SCRN3: variants seen among roughly 807,000 people sequenced by gnomAD.
SCRN3 encodes the protein secernin-3.
A neutral mutation model predicts 43.1 loss-of-function variants in SCRN3; 39 were observed. The ratio of observed to expected loss-of-function variants is 0.91; its 90% CI spans 0.70 to 1.18. The LOEUF (loss-of-function observed/expected upper bound fraction) is 1.18. Ranked by LOEUF, SCRN3 falls within the 50% of genes most tolerant of loss-of-function variation. SCRN3 has a pLI of 0.00. For missense variants in SCRN3, 484 were observed against 498.0 expected (o/e 0.97, Z 0.27); for synonymous variants, 147 against 163.1 (o/e 0.90, Z 0.75).
chr2:174,398,807 A>G (rs2105556899), intron 2 of SCRN3, among the ~76,000 whole-genome samples: 1 of 152,310 alleles, frequency 6.6e-6, no homozygotes, highest in Non-Finnish European at 1.5e-5. Flanking sequence ...TTTAAATGCT[A>G]AATTTAAGTA....
intron 5 of SCRN3, among the ~76,000 whole-genome samples, chr2:174,419,273 A>C (rs1452886755): frequency 2.0e-5 from 3 of 152,220 alleles, no homozygotes; most frequent in Non-Finnish European, 4.4e-5. Flanking sequence ...TGTTTAATCA[A>C]CCATATTAAA....
chr2:174,400,010 CCAATGAG>C lies in SCRN3; in HGVS notation c.251_257del (p.Asn84MetfsTer23). ...TGGTTGTGGGGGGCAGAAATGGGAG[CCAATGAG>C]CATGGAGTTTGCATTGGGAATGAAG... On this transcript the variant is annotated frameshift_variant, in exon 3 of 8. Transcript: ENST00000272732. LOFTEE classifies it high-confidence loss of function. 1 of 1,597,254 alleles carries C rather than the reference CCAATGAG, an allele frequency of 6.3e-7. No individual in the cohort carries two copies. The highest frequency in any genetic ancestry group is 8.5e-7 in the Non-Finnish European group (1 of 1,173,762).
At position 174,427,996 on chromosome 2, in the gene SCRN3, G is replaced by A. The variant is rs1198972504; in HGVS notation, c.*101G>A. The A allele has an allele frequency of 1.3e-6, 1 of 749,092 alleles. No individual in the cohort carries two copies. The allele number at this position is 749,092 out of a possible 1,614,324, so 46.4% of individuals were successfully genotyped here. On this transcript the variant is annotated 3_prime_UTR_variant, in exon 8 of 8. Coordinates refer to ENST00000272732, the MANE Select transcript of SCRN3 (RefSeq NM_024583.5). ...GGTAAATTATATAAACCTAACTTGA[G>A]CAGATCTGATTATTCTTGGATAGTA...
In SCRN3 at chr2:174,401,121, T is replaced by C; in HGVS notation, c.473T>C (p.Ile158Thr). Reference protein sequence around the residue: ...MVFSYHNSFLIADRNEAWILE... With the variant: ...MVFSYHNSFLTADRNEAWILE... ...TTTAGCTATCACAACAGTTTCCTGA[T>C]AGCTGATAGGAATGAAGCCTGGATT... Residue 158 changes from isoleucine (I) to threonine (T), a missense_variant, in exon 4 of 8, where the codon ATA becomes ACA. By Grantham distance (89) the Ile-to-Thr change is moderately conservative. Transcript: ENST00000272732. The C allele has an allele frequency of 2.5e-6, 4 of 1,613,982 alleles. No homozygotes were observed. The highest frequency in any genetic ancestry group is 3.4e-6 in the Non-Finnish European group (4 of 1,179,922).
intron 5 of SCRN3, among the ~76,000 whole-genome samples, chr2:174,409,833 C>T (rs1383984080): frequency 3.5e-5 from 5 of 142,200 alleles, no homozygotes; most frequent in Non-Finnish European, 8.0e-5. Flanking sequence ...TCTCCAGCTG[C>T]GTGCTGGGAG....
chr2:174,410,965 T>C (rs886722300), intron 5 of SCRN3, among the ~76,000 whole-genome samples: 21 of 151,940 alleles, frequency 1.4e-4, no homozygotes, highest in South Asian at 4.2e-4. Flanking sequence ...GAGGCTAGAG[T>C]GTTAACATCC....
chr2:174,402,129 A>T (rs986875193), intron 4 of SCRN3, among the ~76,000 whole-genome samples: 4 of 152,212 alleles, frequency 2.6e-5, no homozygotes, highest in African/African-American at 9.7e-5. Context: ...TTATTAATAT[A>T]TAACATTGTA....
At chr2:174,423,784 T>A in intron 6 of SCRN3, among the ~76,000 whole-genome samples, 1 of 143,430 alleles carries the variant, frequency 7.0e-6, no homozygotes, top group African/African-American at 2.6e-5. Context: ...TTCCTTTTTT[T>A]TTTTTTTTTT....
chr2:174,420,148 T>C (rs559519118), intron 5 of SCRN3, among the ~76,000 whole-genome samples: 1 of 141,282 alleles, frequency 7.1e-6, no homozygotes, highest in East Asian at 2.0e-4. Flanking sequence ...AAGTAGCTGC[T>C]AGGAGCCTTA....
chr2:174,398,178 A>G, intron 1 of SCRN3, 97 bp from the exon 2 acceptor site: 1 of 693,792 alleles, frequency 1.4e-6, no homozygotes, highest in Non-Finnish European at 2.2e-6. Context: ...CCTTAATTAG[A>G]TATGGCAATA....
rs1686415779 is a variant in SCRN3, at chr2:174,424,544, T to G, written c.987T>G (p.Phe329Leu). 1 of 1,613,372 alleles carries G rather than the reference T, an allele frequency of 6.2e-7. No individual in the cohort carries two copies. The highest frequency in any genetic ancestry group is 1.1e-5 in the South Asian group (1 of 91,050). ...SQLLDTSSPT[F>L]ELEDLVKKKS... ...TATTGGATACCAGTTCACCAACATT[T>G]GAACTTGAAGATCTAGTTAAAAAGA... The change falls in exon 7 of 8, where the codon TTT (phenylalanine) becomes TTG (leucine). Residue 329 changes from phenylalanine (F) to leucine (L), a missense_variant. Transcript: ENST00000272732.
rs138576465 is a variant in SCRN3 at position 174,425,257 on chromosome 2, G to A, written c.1092+608G>A. On this transcript the variant is annotated intron_variant, in intron 7 of 7. Transcript: ENST00000272732. ...CTCAAAATCTCTTCTCTAGAAATAA[G>A]GATTTATTTTTTTCTGGTATAGATA... Among the ~76,000 whole-genome samples the A allele has an allele frequency of 1.6e-3, 250 of 152,126 alleles. 2 individuals are homozygous for A. The highest frequency in any genetic ancestry group is 5.5e-3 in the African/African-American group (228 of 41,500).
chr2:174,421,223 A>G (rs1271730277), intron 5 of SCRN3, among the ~76,000 whole-genome samples: 2 of 152,190 alleles, frequency 1.3e-5, no homozygotes, highest in African/African-American at 2.4e-5. Flanking sequence ...TCTAGTGAAA[A>G]ATATCCTCTA....
chr2:174,408,413 A>G (rs1378695628), intron 5 of SCRN3, among the ~76,000 whole-genome samples: 1 of 141,682 alleles, frequency 7.1e-6, no homozygotes, highest in Non-Finnish European at 1.6e-5. Context: ...ACTCTATCCA[A>G]TTTGCCAGTC....
At chr2:174,410,517 A>G (rs2105591642) in intron 5 of SCRN3, 1 of 152,336 alleles carries the variant, frequency 6.6e-6, no homozygotes, top group East Asian at 1.9e-4. Flanking sequence ...AGTATTATAC[A>G]ATTGTGAGAG....
chr2:174,397,990 C>T (rs751513565), intron 1 of SCRN3, among the ~76,000 whole-genome samples: 2 of 152,188 alleles, frequency 1.3e-5, no homozygotes, highest in Middle Eastern at 3.4e-3. Flanking sequence ...CAGCCAAGCA[C>T]GGTCACTCAT....
chr2:174,401,138 G>A lies in SCRN3; in HGVS notation c.490G>A (p.Ala164Thr), dbSNP rs770882759. The change falls in exon 4 of 8, where the codon GCC becomes ACC. Residue 164 changes from alanine (A) to threonine (T), a missense_variant. Physicochemically the swap from Ala to Thr is moderately conservative, Grantham distance 58 (BLOSUM62 0). Coordinates refer to ENST00000272732, the MANE Select transcript of SCRN3 (RefSeq NM_024583.5). Reference protein sequence around the residue: ...NSFLIADRNEAWILETAGKYW... With the variant: ...NSFLIADRNETWILETAGKYW... ...TTTCCTGATAGCTGATAGGAATGAA[G>A]CCTGGATTCTGGAGACTGCAGGGAA... 1 of 1,613,958 alleles carries A rather than the reference G, an allele frequency of 6.2e-7. No individual in the cohort carries two copies. Among genetic ancestry groups the A allele is most frequent in the South Asian group, 1.1e-5 (1 of 91,076 alleles).
rs1420033179 is a variant in SCRN3 at position 174,404,402 on chromosome 2, A to C, written c.754+87A>C. The C allele has an allele frequency of 3.7e-6, 3 of 817,918 alleles. No homozygotes were observed. In the South Asian group the frequency reaches 6.4e-5, roughly 17 times the overall value. 50.7% of individuals were successfully genotyped at this position (817,918 alleles called of 1,614,324 possible). On this transcript the variant is annotated intron_variant, in intron 5 of 7. Transcript: ENST00000272732. Reference sequence around the variant, plus strand: ...GGAATGATAACATCTGTTTTGGGGAATTATAATTAGTAAAAATATTGTTCT... The same window carrying C: ...GGAATGATAACATCTGTTTTGGGGACTTATAATTAGTAAAAATATTGTTCT...
intron 7 of SCRN3, among the ~76,000 whole-genome samples, chr2:174,426,830 T>TTTTA (rs1256653745): frequency 3.3e-5 from 5 of 151,776 alleles, no homozygotes; most frequent in African/African-American, 9.7e-5. Context: ...TCTAGTAACT[T>TTTTA]TTTATTTATT....
Sources: gnomAD v4.1 joint callset for allele counts (sites outside exome capture counted in the v4.1 genomes callset) on GRCh38, gnomAD v4.1.1 for gene constraint, MANE v1.5 for transcripts, NCBI Gene and HGNC (gene_info 2026-07-23, HGNC 2026-07-21) for gene names.